ABCA13: variants seen among roughly 807,000 people sequenced by gnomAD.
ABCA13 encodes ATP-binding cassette sub-family A member 13.
Under a neutral mutation model 478.7 loss-of-function variants are expected in ABCA13, and 476 were observed. The ratio of observed to expected loss-of-function variants is 0.99; its 90% CI spans 0.92 to 1.07. The LOEUF (loss-of-function observed/expected upper bound fraction) is 1.07, where lower values mean the gene tolerates loss of function less well. ABCA13 is among the 50% of genes least tolerant of loss of function. The probability of loss-of-function intolerance (pLI) is 0.00; values close to 1 mark genes in which losing one functional copy is unlikely to be tolerated. For synonymous variants in ABCA13, 2,252 were observed against 2,158.9 expected, an observed-to-expected ratio of 1.04 and a Z score of -1.20; for missense variants, 6,060 against 5,910.6, an observed-to-expected ratio of 1.03 and a Z score of -0.83.
chr7:48,415,988 A>T (rs1425760365), intron 41 of ABCA13, among the ~76,000 whole-genome samples: 1 of 151,848 alleles, frequency 6.6e-6, no homozygotes, highest in African/African-American at 2.4e-5. Flanking sequence ...TCCTGCCTAC[A>T]TCCTTCTTTC....
chr7:48,399,596 A>G (rs1817314597), intron 38 of ABCA13, among the ~76,000 whole-genome samples: 1 of 152,218 alleles, frequency 6.6e-6, no homozygotes, highest in Admixed American at 6.5e-5. Flanking sequence ...CTTGGTTGTG[A>G]GTAAATGGGA....
chr7:48,582,791 A>G lies in ABCA13; in HGVS notation c.14505+2417A>G, dbSNP rs151233015. ...TGAGGTAAGAATAAGATGCCACTTCATAAAGCTTGAACTTAGGTTTGACAA... is the reference window on the plus strand; with the variant it reads ...TGAGGTAAGAATAAGATGCCACTTCGTAAAGCTTGAACTTAGGTTTGACAA... On this transcript the variant is annotated intron_variant, in intron 56 of 61. Transcript: ENST00000435803. 3.9e-5 allele frequency among the ~76,000 whole-genome samples: 6 copies of G among 152,350 alleles called. No homozygotes were observed. The East Asian group carries it at 1.2e-3, about 29-fold the overall frequency.
chr7:48,192,907 G>A (rs186242785), intron 1 of ABCA13, 52 bp from the exon 2 acceptor site: 17 of 1,351,704 alleles, frequency 1.3e-5, no homozygotes, highest in Non-Finnish European at 1.6e-5. Context: ...TGAAAATATT[G>A]TAATACCTTA....
At chr7:48,598,700 T>C (rs1790554934) in intron 58 of ABCA13, among the ~76,000 whole-genome samples, 1 of 152,132 alleles carries the variant, frequency 6.6e-6, no homozygotes, top group South Asian at 2.1e-4. Flanking sequence ...TTACATTCAG[T>C]TTATCAATTT....
intron 28 of ABCA13, among the ~76,000 whole-genome samples, chr7:48,336,187 A>T (rs1429451813): frequency 1.3e-5 from 2 of 152,160 alleles, no homozygotes; most frequent in African/African-American, 4.8e-5. Context: ...TAGTCACTGA[A>T]GTTCTCTGTA....
At chr7:48,264,791 A>AT (rs944087398) in intron 15 of ABCA13, among the ~76,000 whole-genome samples, 7 of 151,280 alleles carry the variant, frequency 4.6e-5, no homozygotes, top group South Asian at 2.1e-4. Flanking sequence ...TATTTTGTTT[A>AT]TTTTTTTTGT....
intron 42 of ABCA13, among the ~76,000 whole-genome samples, chr7:48,445,355 C>G (rs906140086): frequency 1.3e-5 from 2 of 152,122 alleles, no homozygotes; most frequent in Admixed American, 6.6e-5. Flanking sequence ...TTCTCACTCC[C>G]AAATATTTAA....
At chr7:48,391,357 G>T (rs1265784958) in intron 37 of ABCA13, among the ~76,000 whole-genome samples, 1 of 152,130 alleles carries the variant, frequency 6.6e-6, no homozygotes, top group African/African-American at 2.4e-5. Flanking sequence ...ACTTACAATG[G>T]TTCAACTTAA....
chr7:48,299,553 A>G (rs1014853557), intron 23 of ABCA13, among the ~76,000 whole-genome samples: 2 of 152,212 alleles, frequency 1.3e-5, no homozygotes, highest in African/African-American at 4.8e-5. Flanking sequence ...ATAGAGAAAC[A>G]ATGAAGATTT....
intron 32 of ABCA13, 99 bp downstream of exon 32, chr7:48,368,007 G>T (rs1811951489): frequency 2.3e-6 from 2 of 852,424 alleles, no homozygotes; most frequent in East Asian, 2.7e-5. Context: ...TCTCTGTTTT[G>T]CTTCCCTCTC....
chr7:48,183,268 C>T (rs1447684682), intron 1 of ABCA13, among the ~76,000 whole-genome samples: 3 of 152,166 alleles, frequency 2.0e-5, no homozygotes, highest in Non-Finnish European at 4.4e-5. Context: ...ATCCACATAC[C>T]GCATGAGTCA....
chr7:48,256,229 T>C (rs928478822), intron 15 of ABCA13, among the ~76,000 whole-genome samples: 34 of 152,200 alleles, frequency 2.2e-4, no homozygotes, highest in African/African-American at 8.2e-4. Context: ...GCAAATATTT[T>C]CTCCTGTTCT....
rs1386280759 is a variant in ABCA13 at position 48,350,700 on chromosome 7, G to A, written c.10262G>A (p.Gly3421Asp). ...HAGAGRFRFL[G>D]SILVNLSSCV... is the part of the protein sequence containing the mutation. ...GGCGCTGGACGCTTCCGTTTCTTGGGCAGCATCTTGGTCAATCTCTCTTCC... is the reference window on the plus strand; with the variant it reads ...GGCGCTGGACGCTTCCGTTTCTTGGACAGCATCTTGGTCAATCTCTCTTCC... Residue 3421 changes from glycine to aspartate, a missense_variant, in exon 30 of 62, where the codon GGC becomes GAC. Physicochemically the swap from Gly to Asp is moderately conservative, Grantham distance 94. Coordinates refer to ENST00000435803, the MANE Select transcript of ABCA13 (RefSeq NM_152701.5). The A allele has an allele frequency of 6.2e-7, 1 of 1,613,912 alleles. No individual in the cohort carries two copies. The highest frequency in any genetic ancestry group is 1.7e-5 in the Admixed American group (1 of 60,008).
intron 43 of ABCA13, among the ~76,000 whole-genome samples, chr7:48,455,561 G>A (rs1266360324): frequency 6.6e-6 from 1 of 152,140 alleles, no homozygotes; most frequent in Non-Finnish European, 1.5e-5. Flanking sequence ...GCGAAAGGGC[G>A]CAAGCTGTCA....
At chr7:48,625,797 A>G (rs1039364086) in intron 59 of ABCA13, among the ~76,000 whole-genome samples, 3 of 152,230 alleles carry the variant, frequency 2.0e-5, no homozygotes, top group Non-Finnish European at 4.4e-5. Context: ...TATTTTCTGT[A>G]AGAATAAACA....
chr7:48,356,786 A>G (rs1809994469), intron 31 of ABCA13, among the ~76,000 whole-genome samples: 1 of 152,004 alleles, frequency 6.6e-6, no homozygotes, highest in African/African-American at 2.4e-5. Flanking sequence ...ATAGGCAGTT[A>G]TCATAGAATA....
Position 48,352,440 on chromosome 7 carries a change from A to C in ABCA13, c.10641A>C (p.Pro3547=). ...LVQTGQEALE[P]AAQTQAAPYP... is the part of the protein sequence containing the mutation. ...AGACTGGGCAGGAAGCCCTGGAACC[A>C]GCAGCACAGACTCAGGCGGCCCCTT... is the stretch of plus-strand genomic sequence containing the variant. Residue 3547 remains proline, a synonymous_variant, in exon 31 of 62, where the codon CCA becomes CCC. Transcript: ENST00000435803. 6.2e-7 allele frequency: 1 copy of C among 1,612,918 alleles called. No homozygotes were observed. The highest frequency in any genetic ancestry group is 8.5e-7 in the Non-Finnish European group (1 of 1,179,512).
At chr7:48,517,556 T>A (rs1257220686) in intron 52 of ABCA13, among the ~76,000 whole-genome samples, 5 of 152,124 alleles carry the variant, frequency 3.3e-5, no homozygotes, top group East Asian at 1.9e-4. Flanking sequence ...GGTGAACCCA[T>A]TAGTCCTGCC....
intron 45 of ABCA13, among the ~76,000 whole-genome samples, chr7:48,474,541 T>C (rs1827866394): frequency 6.6e-6 from 1 of 152,178 alleles, no homozygotes; most frequent in African/African-American, 2.4e-5. Context: ...AGGGAGGGGA[T>C]TGAGGACTTA....
Sources: allele counts gnomAD v4.1 joint callset (sites outside exome capture counted in the v4.1 genomes callset), GRCh38; gene constraint gnomAD v4.1.1; transcripts MANE v1.5; gene names NCBI Gene and HGNC (gene_info 2026-07-23, HGNC 2026-07-21).